TNRC6A: variants seen among roughly 807,000 people sequenced by gnomAD.
The protein encoded by TNRC6A is trinucleotide repeat-containing gene 6A protein.
A neutral mutation model predicts 221.2 loss-of-function variants in TNRC6A; 44 were observed. The ratio of observed to expected loss-of-function variants is 0.20; its 90% CI spans 0.16 to 0.26. The LOEUF is 0.26. Ranked by LOEUF, TNRC6A falls within the 10% of genes least tolerant of loss-of-function variation. The pLI, the probability that TNRC6A is intolerant of heterozygous loss-of-function variation, is 1.00. For missense variants in TNRC6A, 2,199 were observed against 2,404.4 expected (o/e 0.91, Z 1.79); for synonymous variants, 847 against 838.5 (o/e 1.01, Z -0.18).
At chr16:24,751,365 T>G (rs1162978111) in intron 3 of TNRC6A, among the ~76,000 whole-genome samples, 1 of 152,188 alleles carries the variant, frequency 6.6e-6, no homozygotes, top group Non-Finnish European at 1.5e-5. Context: ...GGCTGATTTT[T>G]AAAGTGTGCA....
chr16:24,647,556 T>C (rs1047688379), intron 2 of TNRC6A, among the ~76,000 whole-genome samples: 3 of 152,188 alleles, frequency 2.0e-5, no homozygotes, highest in Non-Finnish European at 4.4e-5. Flanking sequence ...ATTAAGTACA[T>C]TCACACTGCT....
chr16:24,723,407 A>G (rs918146428), intron 2 of TNRC6A, among the ~76,000 whole-genome samples: 3 of 152,148 alleles, frequency 2.0e-5, no homozygotes, highest in Admixed American at 6.5e-5. Flanking sequence ...GAGCCTGGCC[A>G]ACATGGTGAA....
chr16:24,790,432 G>T lies in TNRC6A; in HGVS notation c.1790G>T (p.Ser597Ile), dbSNP rs2058074187. 13 of 1,614,260 alleles carry T rather than the reference G, an allele frequency of 8.1e-6. No homozygotes were observed. The highest frequency in any genetic ancestry group is 1.1e-5 in the Non-Finnish European group (13 of 1,180,046). ...GGAAATGGCGCAAATTCTGGAGGAA[G>T]TCGAAGAGGATGGGGAACCCCTGCA... ...GSGNGANSGG[S>I]RRGWGTPAQN... Residue 597 changes from serine to isoleucine, a missense_variant, in exon 6 of 25, where the codon AGT becomes ATT. Ser to Ile is a moderately radical substitution (Grantham distance 142, BLOSUM62 -2). Coordinates refer to ENST00000395799, the MANE Select transcript of TNRC6A (RefSeq NM_014494.4).
At chr16:24,696,781 G>A (rs1567365234) in intron 2 of TNRC6A, among the ~76,000 whole-genome samples, 1 of 148,056 alleles carries the variant, frequency 6.8e-6, no homozygotes, top group Non-Finnish European at 1.5e-5. Flanking sequence ...GAAAGGGGAG[G>A]GGGAGGGAGG....
At chr16:24,614,341 C>CTTA (rs1555478375) in intron 1 of TNRC6A, among the ~76,000 whole-genome samples, 2 of 152,072 alleles carry the variant, frequency 1.3e-5, no homozygotes, top group East Asian at 3.9e-4. Context: ...AAAGATACCA[C>CTTA]TTGTTGGGTG....
chr16:24,710,557 C>G (rs2056185425), intron 2 of TNRC6A, among the ~76,000 whole-genome samples: 1 of 152,142 alleles, frequency 6.6e-6, no homozygotes, highest in Non-Finnish European at 1.5e-5. Flanking sequence ...ATGCTGTGCT[C>G]TTCTTATTGC....
chr16:24,709,824 CAAA>C (rs60844823), intron 2 of TNRC6A, among the ~76,000 whole-genome samples: 22 of 103,712 alleles, frequency 2.1e-4, no homozygotes, highest in South Asian at 5.8e-4. Flanking sequence ...GACCCTGTCT[CAAA>C]AAAAAAAAAA....
At chr16:24,691,184 C>T (rs1052664106) in intron 2 of TNRC6A, among the ~76,000 whole-genome samples, 1 of 152,026 alleles carries the variant, frequency 6.6e-6, no homozygotes, top group Non-Finnish European at 1.5e-5. Flanking sequence ...GTTAAGCCTG[C>T]TCTCAAGCCC....
intron 10 of TNRC6A, 110 bp from the exon 11 acceptor site, chr16:24,797,805 A>G (rs190734007): frequency 3.0e-6 from 3 of 1,014,836 alleles, no homozygotes; most frequent in South Asian, 3.7e-5. Flanking sequence ...ATGAAGCTTT[A>G]TGATCCACTT....
At chr16:24,714,871 G>GTT (rs1473204163) in intron 2 of TNRC6A, among the ~76,000 whole-genome samples, 1 of 144,326 alleles carries the variant, frequency 6.9e-6, no homozygotes, top group African/African-American at 2.7e-5. Flanking sequence ...GTACATTGTA[G>GTT]TTTTTTTGTT....
At chr16:24,792,896 C>T (rs901584887) in intron 6 of TNRC6A, among the ~76,000 whole-genome samples, 11 of 150,468 alleles carry the variant, frequency 7.3e-5, no homozygotes, top group African/African-American at 2.7e-4. Flanking sequence ...TCAAGCAATT[C>T]TCCTGTCTCA....
chr16:24,616,339 A>T (rs928204477), intron 1 of TNRC6A, among the ~76,000 whole-genome samples: 1 of 147,392 alleles, frequency 6.8e-6, no homozygotes, highest in African/African-American at 2.5e-5. Flanking sequence ...AAAAAAAAAA[A>T]AAAAAGAAGA....
At chr16:24,797,352 C>CT in intron 9 of TNRC6A, 138 bp from the exon 10 acceptor site, 4 of 575,080 alleles carry the variant, frequency 7.0e-6, no homozygotes, top group Non-Finnish European at 1.2e-5. Flanking sequence ...ATTAACAACT[C>CT]TGATAAGAGT....
At chr16:24,734,808 A>G (rs1016029839) in intron 2 of TNRC6A, among the ~76,000 whole-genome samples, 3 of 152,184 alleles carry the variant, frequency 2.0e-5, no homozygotes, top group African/African-American at 7.2e-5. Context: ...ATCATGTACT[A>G]AATGTGTTTT....
At chr16:24,622,000 A>G (rs1401123071) in intron 1 of TNRC6A, among the ~76,000 whole-genome samples, 1 of 152,198 alleles carries the variant, frequency 6.6e-6, no homozygotes, top group African/African-American at 2.4e-5. Context: ...TAGTGTCTCC[A>G]ATGTATATTG....
chr16:24,687,854 A>AAGAAGAAGAAGAAGAAGAAGAAGAAGG (rs1567357024), intron 2 of TNRC6A, among the ~76,000 whole-genome samples: 1 of 150,064 alleles, frequency 6.7e-6, no homozygotes, highest in African/African-American at 2.4e-5. Context: ...GAAGAAGAAG[A>AAGAAGAAGAAGAAGAAGAAGAAGAAGG]AGAAGAAGAA....
Position 24,815,132 on chromosome 16 carries a change from T to A in TNRC6A, c.4673-15T>A. ...GTATTTTGCTCACATTTCTCTATTA[T>A]TCTTCCCTTGTTAGGTGCTATTTCA... On this transcript the variant is annotated splice_polypyrimidine_tract_variant and intron_variant, in intron 18 of 24. Transcript: ENST00000395799. 2 of 1,607,214 alleles carry A rather than the reference T, an allele frequency of 1.2e-6. No individual in the cohort carries two copies. Among genetic ancestry groups the A allele is most frequent in the Non-Finnish European group, 1.7e-6 (2 of 1,175,130 alleles).
chr16:24,785,830 G>A (rs1304884031), intron 5 of TNRC6A, among the ~76,000 whole-genome samples: 1 of 152,206 alleles, frequency 6.6e-6, no homozygotes, highest in Non-Finnish European at 1.5e-5. Context: ...AGTGGCAGCA[G>A]AAATACGTTT....
intron 2 of TNRC6A, among the ~76,000 whole-genome samples, chr16:24,657,716 A>AC (rs1475952007): frequency 6.6e-6 from 1 of 152,042 alleles, no homozygotes; most frequent in East Asian, 1.9e-4. Flanking sequence ...CTCAAAAAAA[A>AC]AAAAAAAATG....
Sources: gnomAD v4.1 joint callset for allele counts (sites outside exome capture counted in the v4.1 genomes callset) on GRCh38, gnomAD v4.1.1 for gene constraint, MANE v1.5 for transcripts, NCBI Gene and HGNC (gene_info 2026-07-23, HGNC 2026-07-21) for gene names.